Variants in DNAJC18 observed in about 807,000 individuals in gnomAD.
The protein encoded by DNAJC18 is dnaJ homolog subfamily C member 18.
A neutral mutation model predicts 48.6 loss-of-function variants in DNAJC18; 40 were observed. That is an observed-to-expected ratio of 0.82 (90% CI 0.64 to 1.07). The LOEUF is 1.07. Ranked by LOEUF, DNAJC18 falls within the 50% of genes least tolerant of loss-of-function variation. The probability of loss-of-function intolerance (pLI) is 0.00; values close to 1 mark genes in which losing one functional copy is unlikely to be tolerated. For missense variants in DNAJC18, 340 were observed against 427.7 expected, an observed-to-expected ratio of 0.79 and a Z score of 1.81; for synonymous variants, 135 against 152.2, an observed-to-expected ratio of 0.89 and a Z score of 0.83.
chr5:139,412,615 A>G lies in DNAJC18; in HGVS notation c.*1533T>C, dbSNP rs907497778. The G allele has an allele frequency of 1.3e-5, 5 of 398,420 alleles. No homozygotes were observed. The highest frequency in any genetic ancestry group is 1.8e-5 in the Non-Finnish European group (4 of 226,092). The allele number at this position is 398,420 out of a possible 1,614,324, so 24.7% of individuals were successfully genotyped here. A position where few individuals can be genotyped will look rare whatever the true frequency, so the allele number is the denominator to read the frequency against. On this transcript the variant is annotated 3_prime_UTR_variant, in exon 8 of 8. Transcript: ENST00000302060. ...ATGAAGGAAGCATGGAGTGTAGGCT[A>G]CAGTCACTTAATGATCCTTCCAAGT... is the stretch of plus-strand genomic sequence containing the variant.
intron 3 of DNAJC18, among the ~76,000 whole-genome samples, chr5:139,427,279 G>A (rs989005844): frequency 6.6e-6 from 1 of 152,134 alleles, no homozygotes; most frequent in African/African-American, 2.4e-5. Context: ...AGTTACATAT[G>A]TTTACCAACA....
intron 7 of DNAJC18, among the ~76,000 whole-genome samples, chr5:139,416,209 T>C (rs758113118): frequency 6.6e-6 from 1 of 152,214 alleles, no homozygotes; most frequent in Non-Finnish European, 1.5e-5. Flanking sequence ...ATTCTGTTAA[T>C]ATTCAATAAA....
intron 2 of DNAJC18, among the ~76,000 whole-genome samples, chr5:139,436,415 A>G (rs949618625): frequency 6.7e-5 from 10 of 150,064 alleles, no homozygotes; most frequent in Non-Finnish European, 1.3e-4. Flanking sequence ...AGTTTCAGTA[A>G]TTTGTGTCTT....
At chr5:139,416,289 G>T (rs1398220942) in intron 7 of DNAJC18, among the ~76,000 whole-genome samples, 1 of 152,206 alleles carries the variant, frequency 6.6e-6, no homozygotes, top group African/African-American at 2.4e-5. Flanking sequence ...TTAGCAGAAA[G>T]TTCCCCTTCC....
At chr5:139,421,661 C>T (rs931079682) in intron 6 of DNAJC18, among the ~76,000 whole-genome samples, 4 of 151,504 alleles carry the variant, frequency 2.6e-5, no homozygotes, top group Non-Finnish European at 5.9e-5. Flanking sequence ...AAAAATTATC[C>T]GGGTGTGGTG....
At chr5:139,421,169 A>G (rs1759146251) in intron 6 of DNAJC18, among the ~76,000 whole-genome samples, 1 of 152,212 alleles carries the variant, frequency 6.6e-6, no homozygotes, top group Admixed American at 6.5e-5. Flanking sequence ...AAACCTCTCT[A>G]TGAAGGCTAG....
At chr5:139,428,908 A>G (rs1421268172) in intron 2 of DNAJC18, among the ~76,000 whole-genome samples, 2 of 152,014 alleles carry the variant, frequency 1.3e-5, no homozygotes, top group African/African-American at 2.4e-5. Context: ...CTCTTCCTAT[A>G]TCCCTGCAAG....
At chr5:139,415,332 T>C (rs1211740456) in intron 7 of DNAJC18, among the ~76,000 whole-genome samples, 1 of 152,236 alleles carries the variant, frequency 6.6e-6, no homozygotes, top group Non-Finnish European at 1.5e-5. Context: ...TGAATACGTT[T>C]CTATCAACAC....
chr5:139,410,550 T>C lies in DNAJC18; in HGVS notation c.*3598A>G, dbSNP rs1758978957. The C allele has an allele frequency of 6.6e-6, 1 of 151,152 alleles. No homozygotes were observed. The highest frequency in any genetic ancestry group is 2.5e-5 in the African/African-American group (1 of 40,618). 9.4% of individuals were successfully genotyped at this position (151,152 alleles called of 1,614,324 possible). On this transcript the variant is annotated 3_prime_UTR_variant, in exon 8 of 8. Coordinates refer to ENST00000302060, the MANE Select transcript of DNAJC18 (RefSeq NM_152686.4). ...ATACCTTAAATGAGGGCAGAATAAATATGAATGAAGTGCAAGCTCCTGTGA... is the reference window on the plus strand; with the variant it reads ...ATACCTTAAATGAGGGCAGAATAAACATGAATGAAGTGCAAGCTCCTGTGA...
At chr5:139,432,917 T>A (rs1759352800) in intron 2 of DNAJC18, among the ~76,000 whole-genome samples, 1 of 152,178 alleles carries the variant, frequency 6.6e-6, no homozygotes, top group Admixed American at 6.5e-5. Flanking sequence ...TCACTTCTCA[T>A]CCTTACTAGT....
intron 7 of DNAJC18, among the ~76,000 whole-genome samples, chr5:139,414,712 C>T (rs1240464458): frequency 2.0e-5 from 3 of 152,220 alleles, no homozygotes; most frequent in African/African-American, 4.8e-5. Context: ...CTCACATGTG[C>T]GAAGGCACAC....
At chr5:139,426,434 G>C in intron 3 of DNAJC18, 77 bp from the exon 4 acceptor site, 1 of 1,523,780 alleles carries the variant, frequency 6.6e-7, no homozygotes, top group South Asian at 1.3e-5. Flanking sequence ...CAGTGACAAA[G>C]AGCCTAGAGG....
At position 139,420,044 on chromosome 5, in the gene DNAJC18, G is replaced by A; in HGVS notation, c.952+9C>T. 1.9e-6 allele frequency: 3 copies of A among 1,559,640 alleles called. No individual in the cohort carries two copies. The highest frequency in any genetic ancestry group is 2.6e-6 in the Non-Finnish European group (3 of 1,157,898). On this transcript the variant is annotated intron_variant, in intron 7 of 7. Transcript: ENST00000302060. ...GCCACCAGCTAATGCCCCTTTTACA[G>A]TATCTTACTTTGTTGTTTCTCCTTC...
chr5:139,428,627 T>C lies in DNAJC18; in HGVS notation c.284A>G (p.Asp95Gly). ...TCTGTAAGCTTTCTTAAGCTCTTCG[T>C]CACTAGCATCTCGAGAAACTCCCAG... ...EILGVSRDASDEELKKAYRKL... is the reference protein window; with the variant it reads ...EILGVSRDASGEELKKAYRKL... The change falls in exon 3 of 8, where the codon GAC (aspartate) becomes GGC (glycine). Residue 95 changes from aspartate to glycine, a missense_variant. By Grantham distance (94) the Asp-to-Gly change is moderately conservative. Coordinates refer to ENST00000302060, the MANE Select transcript of DNAJC18 (RefSeq NM_152686.4). 6.2e-7 allele frequency: 1 copy of C among 1,613,802 alleles called. No individual in the cohort carries two copies. Among genetic ancestry groups the C allele is most frequent in the Non-Finnish European group, 8.5e-7 (1 of 1,179,928 alleles).
At chr5:139,423,922 AC>A (rs2152083622) in intron 5 of DNAJC18, among the ~76,000 whole-genome samples, 2 of 152,242 alleles carry the variant, frequency 1.3e-5, no homozygotes, top group East Asian at 3.9e-4. Flanking sequence ...CATTAATAAG[AC>A]CAATGAAGCA....
Position 139,413,929 on chromosome 5 carries a change from T to C in DNAJC18, c.*219A>G. 1 of 559,320 alleles carries C rather than the reference T, an allele frequency of 1.8e-6. No individual in the cohort carries two copies. Among genetic ancestry groups the C allele is most frequent in the Middle Eastern group, 3.4e-4 (1 of 2,960 alleles). 34.6% of individuals were successfully genotyped at this position (559,320 alleles called of 1,614,324 possible). On this transcript the variant is annotated 3_prime_UTR_variant, in exon 8 of 8. Transcript: ENST00000302060. ...CCAATGCCTTGCCATTAATTTAACT[T>C]AGATGAACTACTCCTGGTCCCTGGA...
At chr5:139,426,462 C>T in intron 3 of DNAJC18, 105 bp from the exon 4 acceptor site, 1 of 1,353,050 alleles carries the variant, frequency 7.4e-7, no homozygotes, top group Non-Finnish European at 1.0e-6. Context: ...TGCTGGACAA[C>T]TTCGCAGGGG....
chr5:139,437,862 A>G (rs1199014399), intron 1 of DNAJC18, among the ~76,000 whole-genome samples: 5 of 152,252 alleles, frequency 3.3e-5, no homozygotes, highest in Non-Finnish European at 5.9e-5. Context: ...GAACTAATAT[A>G]TACCAAGGAA....
intron 2 of DNAJC18, among the ~76,000 whole-genome samples, chr5:139,429,882 G>A (rs1326215737): frequency 6.6e-6 from 1 of 152,140 alleles, no homozygotes; most frequent in Non-Finnish European, 1.5e-5. Flanking sequence ...AGTTATGATT[G>A]TTCCACTACA....
Sources: gnomAD v4.1 joint callset for allele counts (sites outside exome capture counted in the v4.1 genomes callset) on GRCh38, gnomAD v4.1.1 for gene constraint, MANE v1.5 for transcripts, NCBI Gene and HGNC (gene_info 2026-07-23, HGNC 2026-07-21) for gene names.